The following PXDNL variants were observed in gnomAD, a reference collection of about 807,000 sequenced individuals.
PXDNL encodes probable oxidoreductase PXDNL.
A neutral mutation model predicts 150.8 loss-of-function variants in PXDNL; 145 were observed. That is an observed-to-expected ratio of 0.96 (90% CI 0.84 to 1.10). The LOEUF (loss-of-function observed/expected upper bound fraction) is 1.10. Among genes scored for constraint, PXDNL ranks in the 50% least tolerant of loss-of-function variants. The pLI is 0.00. For missense variants in PXDNL, 2,087 were observed against 1,873.9 expected (o/e 1.11, Z -2.10); for synonymous variants, 757 against 725.7 (o/e 1.04, Z -0.69).
At chr8:51,373,521 ATG>A (rs1807193653) in intron 18 of PXDNL, among the ~76,000 whole-genome samples, 1 of 152,228 alleles carries the variant, frequency 6.6e-6, no homozygotes, top group Non-Finnish European at 1.5e-5. Flanking sequence ...TAACCCAATT[ATG>A]TGAGTCAAGA....
At chr8:51,423,481 G>C (rs2060107) in intron 14 of PXDNL, 94 bp downstream of exon 14, 784,624 of 972,644 alleles carry the variant, frequency 0.81, 320,891 homozygotes, top group Non-Finnish European at 0.84. Context: ...AAGTATAAGA[G>C]AGCATGATTA....
At chr8:51,484,958 C>A (rs1430526771) in intron 5 of PXDNL, among the ~76,000 whole-genome samples, 3 of 152,154 alleles carry the variant, frequency 2.0e-5, no homozygotes, top group Non-Finnish European at 4.4e-5. Context: ...AAGATGGAGA[C>A]CAGTTTTCTT....
chr8:51,494,638 T>A (rs549695093), intron 5 of PXDNL, among the ~76,000 whole-genome samples: 1 of 152,008 alleles, frequency 6.6e-6, no homozygotes, highest in African/African-American at 2.4e-5. Flanking sequence ...TCCTAGTCTA[T>A]GATAAAACAG....
chr8:51,461,324 G>T (rs1362674112), intron 8 of PXDNL, among the ~76,000 whole-genome samples: 2 of 152,214 alleles, frequency 1.3e-5, no homozygotes, highest in Non-Finnish European at 2.9e-5. Flanking sequence ...GTATGGGAAG[G>T]GTGTGACCTT....
chr8:51,656,754 A>C (rs1815157640), intron 1 of PXDNL, among the ~76,000 whole-genome samples: 1 of 152,228 alleles, frequency 6.6e-6, no homozygotes, highest in African/African-American at 2.4e-5. Context: ...TTATACCTTG[A>C]TATAGTTGCT....
intron 2 of PXDNL, among the ~76,000 whole-genome samples, chr8:51,652,439 T>TCACA (rs34305040): frequency 2.8e-4 from 41 of 146,946 alleles, no homozygotes; most frequent in Middle Eastern, 3.5e-3. Flanking sequence ...TCTCTCTCTC[T>TCACA]CACACACACA....
chr8:51,576,835 G>C (rs1367054884), intron 3 of PXDNL, among the ~76,000 whole-genome samples: 2 of 151,666 alleles, frequency 1.3e-5, no homozygotes, highest in Non-Finnish European at 2.9e-5. Context: ...AAATCCTGCA[G>C]ACATTAAAAG....
rs76665766 is a variant in PXDNL, at chr8:51,393,357, C to T, written c.3557+14710G>A. Among the ~76,000 whole-genome samples the T allele has an allele frequency of 3.3e-3, 505 of 152,162 alleles. 4 individuals are homozygous for T. The highest frequency in any genetic ancestry group is 0.012 in the African/African-American group (482 of 41,530). The stretch of plus-strand genomic sequence containing the variant: ...AGACACATACAATGATCGTCATATT[C>T]GGGATGAGAAGTATGAGACTAAGAA... On this transcript the variant is annotated intron_variant, in intron 17 of 22. Coordinates refer to ENST00000356297, the MANE Select transcript of PXDNL (RefSeq NM_144651.5).
At chr8:51,325,122 C>T (rs1362149475) in intron 21 of PXDNL, among the ~76,000 whole-genome samples, 2 of 152,180 alleles carry the variant, frequency 1.3e-5, no homozygotes, top group Admixed American at 6.5e-5. Context: ...CCTCAGCCTC[C>T]CAAAATGCTA....
intron 19 of PXDNL, among the ~76,000 whole-genome samples, chr8:51,350,864 C>T (rs2915462): frequency 0.74 from 112,840 of 152,042 alleles, 42,364 homozygotes; most frequent in East Asian, 0.94. Context: ...AAAATTCCAC[C>T]GAGAACTTTT....
intron 17 of PXDNL, among the ~76,000 whole-genome samples, chr8:51,383,535 C>T (rs149577457): frequency 1.3e-5 from 2 of 152,278 alleles, no homozygotes; most frequent in Non-Finnish European, 2.9e-5. Context: ...ATGCAGACAA[C>T]ATGAGAGAGT....
At chr8:51,670,454 T>A (rs1012600706) in intron 1 of PXDNL, among the ~76,000 whole-genome samples, 1 of 152,236 alleles carries the variant, frequency 6.6e-6, no homozygotes, top group Non-Finnish European at 1.5e-5. Flanking sequence ...TGTACCCTAT[T>A]GTTCCTAGGC....
chr8:51,687,963 A>G (rs1815912142), intron 1 of PXDNL, among the ~76,000 whole-genome samples: 2 of 152,260 alleles, frequency 1.3e-5, no homozygotes, highest in African/African-American at 4.8e-5. Flanking sequence ...TTTTTAAAAT[A>G]GCACAGATTT....
intron 14 of PXDNL, among the ~76,000 whole-genome samples, chr8:51,414,696 CA>C: frequency 6.6e-6 from 1 of 152,072 alleles, no homozygotes; most frequent in South Asian, 2.1e-4. Context: ...AGAACATGAA[CA>C]AAATAACTAA....
At chr8:51,441,769 G>C (rs1355888954) in intron 12 of PXDNL, among the ~76,000 whole-genome samples, 1 of 152,170 alleles carries the variant, frequency 6.6e-6, no homozygotes, top group Non-Finnish European at 1.5e-5. Flanking sequence ...CTGTAGGACT[G>C]TCCATTGAAT....
intron 2 of PXDNL, among the ~76,000 whole-genome samples, chr8:51,632,029 G>A (rs1411775909): frequency 6.6e-6 from 1 of 152,044 alleles, no homozygotes; most frequent in African/African-American, 2.4e-5. Flanking sequence ...AATAGATTGA[G>A]TTCTCCAATC....
In PXDNL at chr8:51,359,991, T is replaced by C. The variant is rs142281039; in HGVS notation, c.3901+11882A>G. 2.4e-3 allele frequency among the ~76,000 whole-genome samples: 358 copies of C among 147,774 alleles called. 2 individuals carry two copies. Among genetic ancestry groups the C allele is most frequent in the Non-Finnish European group, 4.3e-3 (291 of 67,494 alleles). On this transcript the variant is annotated intron_variant, in intron 19 of 22. Coordinates refer to ENST00000356297, the MANE Select transcript of PXDNL (RefSeq NM_144651.5). ...CCATTTGTAGAATACTTTACACAAG[T>C]ACTCAATTTGAAAGCATTACTTGAT...
intron 3 of PXDNL, among the ~76,000 whole-genome samples, chr8:51,571,546 A>G (rs564168165): frequency 6.6e-6 from 1 of 151,976 alleles, no homozygotes; most frequent in African/African-American, 2.4e-5. Flanking sequence ...ACTATAGAAA[A>G]TGGATTATAC....
intron 1 of PXDNL, among the ~76,000 whole-genome samples, chr8:51,676,333 G>A (rs1312213197): frequency 6.6e-6 from 1 of 151,966 alleles, no homozygotes; most frequent in African/African-American, 2.4e-5. Context: ...CTGGAGTGCA[G>A]TAGCATGATT....
Sources: gnomAD v4.1 joint callset for allele counts (sites outside exome capture counted in the v4.1 genomes callset) on GRCh38, gnomAD v4.1.1 for gene constraint, MANE v1.5 for transcripts, NCBI Gene and HGNC (gene_info 2026-07-23, HGNC 2026-07-21) for gene names.